Variants in WASHC4 observed in about 807,000 individuals in gnomAD.
WASHC4 encodes the protein WASH complex subunit 4, also known as WASH complex subunit 7.
A neutral mutation model predicts 166.6 loss-of-function variants in WASHC4; 86 were observed. The observed-to-expected ratio is 0.52, with a 90% CI of 0.43 to 0.62. The LOEUF (loss-of-function observed/expected upper bound fraction) is 0.62, where lower values mean the gene tolerates loss of function less well. Ranked by LOEUF, WASHC4 falls within the 20% of genes least tolerant of loss-of-function variation. WASHC4 has a pLI of 0.00. For missense variants in WASHC4, 1,262 were observed against 1,382.4 expected, an observed-to-expected ratio of 0.91 and a Z score of 1.38; for synonymous variants, 446 against 451.6, an observed-to-expected ratio of 0.99 and a Z score of 0.16.
intron 8 of WASHC4, 60 bp from the exon 9 acceptor site, chr12:105,121,041 T>C (rs1880692436): frequency 9.0e-7 from 1 of 1,109,116 alleles, no homozygotes; most frequent in South Asian, 1.2e-5. Context: ...TTTAAACGTC[T>C]ACATGAGGCT....
Position 105,141,999 on chromosome 12 carries a change from T to G in WASHC4, c.1788-454T>G, listed in dbSNP as rs554795280. Among the ~76,000 whole-genome samples, 655 of 114,396 alleles carry G rather than the reference T, an allele frequency of 5.7e-3. 6 individuals carry two copies. Among genetic ancestry groups the G allele is most frequent in the African/African-American group, 0.025 (605 of 24,000 alleles). 75.0% of individuals were successfully genotyped at this position (114,396 alleles called of 152,430 possible). A position where few individuals can be genotyped will look rare whatever the true frequency, so the allele number is the denominator to read the frequency against. On this transcript the variant is annotated intron_variant, in intron 18 of 32. Coordinates refer to ENST00000332180, the MANE Select transcript of WASHC4 (RefSeq NM_015275.3). ...GACATGTTAAGTGTGGGTTTTTTTT[T>G]GGGGCGGGGGGGGTCACAATTTTTT...
At chr12:105,130,134 A>C (rs994612778) in intron 13 of WASHC4, among the ~76,000 whole-genome samples, 1 of 152,160 alleles carries the variant, frequency 6.6e-6, no homozygotes, top group African/African-American at 2.4e-5. Context: ...AGGCAGTTCA[A>C]CTCTACAGCC....
chr12:105,152,424 C>G lies in WASHC4; in HGVS notation c.2731C>G (p.Gln911Glu), dbSNP rs1402168473. The change falls in exon 26 of 33, where the codon CAA (glutamine) becomes GAA (glutamate). Residue 911 changes from glutamine (Q) to glutamate (E), a missense_variant. By Grantham distance (29) the Gln-to-Glu change is conservative. Transcript: ENST00000332180. The stretch of plus-strand genomic sequence containing the variant: ...ACCTGAGGGACAGAGCTACCTTGAT[C>G]AATTCAGGCAACTCATCAGCCAGAT... The part of the protein sequence containing the change: ...VTPEGQSYLD[Q>E]FRQLISQIGN... 6.3e-7 allele frequency: 1 copy of G among 1,595,440 alleles called. No homozygotes were observed. The highest frequency in any genetic ancestry group is 8.6e-7 in the Non-Finnish European group (1 of 1,163,198).
At chr12:105,130,199 G>A (rs960202659) in intron 13 of WASHC4, among the ~76,000 whole-genome samples, 3 of 152,182 alleles carry the variant, frequency 2.0e-5, no homozygotes, top group Non-Finnish European at 4.4e-5. Context: ...GATAAAATGA[G>A]TCTTAGAGAA....
In WASHC4 at chr12:105,108,011, C is replaced by G. The variant is rs567007354; in HGVS notation, c.61+150C>G. 79 of 668,892 alleles carry G rather than the reference C, an allele frequency of 1.2e-4. 1 individual carries two copies. The East Asian group carries it at 2.1e-3, about 17-fold the overall frequency. The allele number at this position is 668,892 out of a possible 1,614,324, so 41.4% of individuals were successfully genotyped here. On this transcript the variant is annotated intron_variant, in intron 1 of 32. Coordinates refer to ENST00000332180, the MANE Select transcript of WASHC4 (RefSeq NM_015275.3). ...CCTTGGGGTGTGCGAGGGACGCGCT[C>G]TCCAGCGTTACTTTCGGGGTTGGGG...
At chr12:105,144,601 A>G in intron 21 of WASHC4, 117 bp from the exon 22 acceptor site, 1 of 1,145,356 alleles carries the variant, frequency 8.7e-7, no homozygotes, top group Non-Finnish European at 1.2e-6. Flanking sequence ...TTTTATTAAT[A>G]CCTTATTTTA....
At chr12:105,166,823 T>G (rs1884839013) in intron 32 of WASHC4, 41 bp from the exon 33 acceptor site, 1 of 1,350,688 alleles carries the variant, frequency 7.4e-7, no homozygotes, top group Non-Finnish European at 1.1e-6. Context: ...TGTTTAAAAA[T>G]GAACATAAAT....
intron 7 of WASHC4, among the ~76,000 whole-genome samples, chr12:105,119,763 T>G (rs1880549653): frequency 6.6e-6 from 1 of 152,236 alleles, no homozygotes; most frequent in Non-Finnish European, 1.5e-5. Flanking sequence ...TTGTGGAATA[T>G]CTATATGTGC....
intron 26 of WASHC4, among the ~76,000 whole-genome samples, chr12:105,154,342 T>C (rs2135826173): frequency 6.6e-6 from 1 of 152,350 alleles, no homozygotes; most frequent in Middle Eastern, 3.4e-3. Flanking sequence ...ACAAATTCTT[T>C]ACCTCTGCTT....
In WASHC4 at chr12:105,154,033, C is replaced by CTT. The variant is rs34546795; in HGVS notation, c.2758+1596_2758+1597dup. Reference sequence around the variant, plus strand: ...ATTCTCTTCTTAGAAAATATAAATTCTTTTTTTTTTTTTTTGAGACAGAGT... The same window carrying CTT: ...ATTCTCTTCTTAGAAAATATAAATTCTTTTTTTTTTTTTTTTTGAGACAGAGT... On this transcript the variant is annotated intron_variant, in intron 26 of 32. Transcript: ENST00000332180. 2.5e-3 allele frequency among the ~76,000 whole-genome samples: 351 copies of CTT among 139,548 alleles called. 3 individuals carry two copies. The highest frequency in any genetic ancestry group is 8.8e-3 in the African/African-American group (332 of 37,882). The allele number at this position is 139,548 out of a possible 152,430, so 91.5% of individuals were successfully genotyped here.
chr12:105,124,140 A>G (rs1326630636), intron 10 of WASHC4, among the ~76,000 whole-genome samples: 2 of 142,954 alleles, frequency 1.4e-5, no homozygotes, highest in African/African-American at 5.2e-5. Flanking sequence ...TTTTTTCGAG[A>G]CGGACTTTCA....
At chr12:105,159,959 G>A (rs781709163) in intron 28 of WASHC4, 42 bp from the exon 29 acceptor site, 11 of 1,592,944 alleles carry the variant, frequency 6.9e-6, no homozygotes, top group Admixed American at 3.3e-5. Context: ...TCAAAGCCAC[G>A]CTTCTTTTGA....
intron 24 of WASHC4, chr12:105,147,566 C>G (rs1006120019): frequency 4.0e-6 from 4 of 1,005,102 alleles, no homozygotes; most frequent in East Asian, 9.0e-5. Context: ...TATTTGATGT[C>G]CATATAAATA....
At chr12:105,122,382 T>A in intron 10 of WASHC4, 144 bp downstream of exon 10, 5 of 803,496 alleles carry the variant, frequency 6.2e-6, no homozygotes, top group Non-Finnish European at 9.9e-6. Context: ...GTTACAGTAC[T>A]AAAATATTTC....
chr12:105,138,793 TACAG>T (rs1882543427), intron 15 of WASHC4, among the ~76,000 whole-genome samples: 1 of 152,180 alleles, frequency 6.6e-6, no homozygotes, highest in East Asian at 1.9e-4. Context: ...GAACTATAAA[TACAG>T]ACAAGTATAT....
At chr12:105,148,256 A>G (rs1477301173) in intron 24 of WASHC4, 1 of 985,322 alleles carries the variant, frequency 1.0e-6, no homozygotes. Context: ...TTCCAAATGA[A>G]GAGTCATCCA....
chr12:105,164,059 T>C, intron 30 of WASHC4, 52 bp from the exon 31 acceptor site: 7 of 1,487,788 alleles, frequency 4.7e-6, no homozygotes, highest in Non-Finnish European at 6.6e-6. Context: ...AGGAGTAGAA[T>C]ACCACTTCTG....
At chr12:105,157,970 T>TA (rs991406050) in intron 28 of WASHC4, among the ~76,000 whole-genome samples, 1 of 152,164 alleles carries the variant, frequency 6.6e-6, no homozygotes, top group African/African-American at 2.4e-5. Context: ...TATTCACACT[T>TA]ATAGCAGGTT....
intron 15 of WASHC4, among the ~76,000 whole-genome samples, chr12:105,138,459 A>G (rs571289155): frequency 1.3e-5 from 2 of 152,202 alleles, no homozygotes; most frequent in East Asian, 3.9e-4. Flanking sequence ...AATTTAGATG[A>G]AGTGCTGTAA....
Sources: gnomAD v4.1 joint callset for allele counts (sites outside exome capture counted in the v4.1 genomes callset) on GRCh38, gnomAD v4.1.1 for gene constraint, MANE v1.5 for transcripts, NCBI Gene and HGNC (gene_info 2026-07-23, HGNC 2026-07-21) for gene names.